The following ANKFN1 variants were observed in gnomAD, a reference collection of about 807,000 sequenced individuals.
The protein encoded by ANKFN1 is ankyrin repeat and fibronectin type III domain containing 1.
In ANKFN1, 74 loss-of-function variants were observed where a neutral mutation model predicts 108.7. The ratio of observed to expected loss-of-function variants is 0.68; its 90% CI spans 0.56 to 0.83. The LOEUF is 0.83. Among genes scored for constraint, ANKFN1 ranks in the 40% least tolerant of loss-of-function variants. The pLI, the probability that ANKFN1 is intolerant of heterozygous loss-of-function variation, is 0.00. For synonymous variants in ANKFN1, 547 were observed against 516.2 expected, an observed-to-expected ratio of 1.06 and a Z score of -0.81; for missense variants, 1,505 against 1,382.3, an observed-to-expected ratio of 1.09 and a Z score of -1.41.
intron 15 of ANKFN1, among the ~76,000 whole-genome samples, chr17:56,476,320 C>T (rs188135698): frequency 4.0e-4 from 61 of 152,198 alleles, no homozygotes; most frequent in Admixed American, 1.4e-3. Flanking sequence ...TGTAATTATT[C>T]GTTATCTGAG....
intron 4 of ANKFN1, among the ~76,000 whole-genome samples, chr17:56,063,100 T>G (rs1399331601): frequency 6.6e-6 from 1 of 152,220 alleles, no homozygotes; most frequent in Non-Finnish European, 1.5e-5. Context: ...GGTCCACTGT[T>G]AGTCTGATGG....
intron 20 of ANKFN1, among the ~76,000 whole-genome samples, chr17:56,500,736 G>C (rs1415631972): frequency 6.6e-6 from 1 of 152,148 alleles, no homozygotes; most frequent in Non-Finnish European, 1.5e-5. Flanking sequence ...TGAAACTCAG[G>C]ATCTAAGAAC....
At chr17:56,504,117 T>C (rs1466407125) in intron 20 of ANKFN1, among the ~76,000 whole-genome samples, 1 of 152,236 alleles carries the variant, frequency 6.6e-6, no homozygotes, top group East Asian at 1.9e-4. Context: ...TATCCCACTC[T>C]AAGCAATAGG....
At chr17:56,054,717 G>A (rs1156764277) in intron 4 of ANKFN1, among the ~76,000 whole-genome samples, 1 of 151,966 alleles carries the variant, frequency 6.6e-6, no homozygotes, top group Non-Finnish European at 1.5e-5. Context: ...TTCAAGACCA[G>A]CCTGGGCAAC....
intron 4 of ANKFN1, among the ~76,000 whole-genome samples, chr17:56,134,650 T>C (rs1286992039): frequency 6.6e-6 from 1 of 152,140 alleles, no homozygotes; most frequent in Non-Finnish European, 1.5e-5. Flanking sequence ...TGCCAGAAAC[T>C]GGGGGCAATA....
intron 3 of ANKFN1, among the ~76,000 whole-genome samples, chr17:56,302,299 AG>A (rs1478603004): frequency 2.0e-5 from 3 of 152,164 alleles, no homozygotes; most frequent in African/African-American, 7.2e-5. Flanking sequence ...CTGAGGCAGG[AG>A]GATCACTTGA....
intron 4 of ANKFN1, among the ~76,000 whole-genome samples, chr17:56,136,813 A>T (rs899991843): frequency 6.6e-6 from 1 of 152,240 alleles, no homozygotes; most frequent in Non-Finnish European, 1.5e-5. Context: ...ATGAACCATT[A>T]TAAAAAAGCC....
At chr17:56,428,091 A>C (rs1473748274) in intron 8 of ANKFN1, among the ~76,000 whole-genome samples, 1 of 151,982 alleles carries the variant, frequency 6.6e-6, no homozygotes, top group Non-Finnish European at 1.5e-5. Flanking sequence ...AAAATTAGCC[A>C]GGCATGGTGG....
chr17:56,316,820 T>C (rs752409683), intron 3 of ANKFN1, among the ~76,000 whole-genome samples: 3 of 152,168 alleles, frequency 2.0e-5, no homozygotes, highest in African/African-American at 4.8e-5. Flanking sequence ...GATCAAATGC[T>C]CCTGTGCTAT....
intron 20 of ANKFN1, 46 bp from the exon 21 acceptor site, chr17:56,510,427 C>T (rs2051708384): frequency 6.7e-7 from 1 of 1,483,854 alleles, no homozygotes; most frequent in Middle Eastern, 1.7e-4. Flanking sequence ...GAAGCAGGCT[C>T]TAGCTAAGAC....
chr17:56,458,799 T>C (rs530239603), intron 14 of ANKFN1, among the ~76,000 whole-genome samples: 4 of 152,144 alleles, frequency 2.6e-5, no homozygotes, highest in African/African-American at 9.7e-5. Context: ...CCCAGAAATA[T>C]GCATAACAGG....
chr17:56,470,956 G>A (rs895185581), intron 15 of ANKFN1, among the ~76,000 whole-genome samples: 3 of 152,020 alleles, frequency 2.0e-5, no homozygotes, highest in Admixed American at 6.6e-5. Flanking sequence ...TTCTCTTCAG[G>A]GATCACTTCA....
chr17:56,232,268 A>G (rs1179033342), intron 3 of ANKFN1, among the ~76,000 whole-genome samples: 1 of 152,162 alleles, frequency 6.6e-6, no homozygotes, highest in Admixed American at 6.6e-5. Flanking sequence ...TACAGCCTGA[A>G]CTGAAAAGAA....
At position 56,175,804 on chromosome 17, in the gene ANKFN1, A is replaced by G. The variant is rs185123295; in HGVS notation, c.-71+22274A>G. On this transcript the variant is annotated intron_variant, in intron 1 of 20. Coordinates refer to ENST00000682825, the MANE Select transcript of ANKFN1 (RefSeq NM_001370326.1). ...GAGCAGGACAAACCAGCCTTTCTTT[A>G]TGCCAACAGGGAATGCTTGAAATAA... Among the ~76,000 whole-genome samples, 1,179 of 152,216 alleles carry G rather than the reference A, an allele frequency of 7.7e-3. 8 individuals carry two copies. Among genetic ancestry groups the G allele is most frequent in the Non-Finnish European group, 0.011 (768 of 68,014 alleles).
chr17:56,146,453 C>T (rs1274339284), intron 4 of ANKFN1, among the ~76,000 whole-genome samples: 1 of 152,190 alleles, frequency 6.6e-6, no homozygotes, highest in Non-Finnish European at 1.5e-5. Context: ...GAAGGCTCTG[C>T]CCCTGCAGCA....
intron 3 of ANKFN1, among the ~76,000 whole-genome samples, chr17:56,310,419 C>G (rs139643782): frequency 0.014 from 2,177 of 152,164 alleles, 59 homozygotes; most frequent in African/African-American, 0.05. Flanking sequence ...AGATCGAGAC[C>G]ATCCTGGCTA....
intron 5 of ANKFN1, among the ~76,000 whole-genome samples, chr17:56,353,467 C>A (rs931305805): frequency 6.6e-6 from 1 of 152,100 alleles, no homozygotes; most frequent in Non-Finnish European, 1.5e-5. Context: ...AAACTCCTCG[C>A]CTCAAGTGAT....
chr17:56,232,694 T>C (rs1916831177), intron 3 of ANKFN1, among the ~76,000 whole-genome samples: 1 of 152,158 alleles, frequency 6.6e-6, no homozygotes, highest in African/African-American at 2.4e-5. Context: ...TATTCATCTT[T>C]GTCTCTCCTG....
At chr17:56,355,207 G>T (rs550425072) in intron 6 of ANKFN1, among the ~76,000 whole-genome samples, 2 of 152,222 alleles carry the variant, frequency 1.3e-5, no homozygotes, top group East Asian at 1.9e-4. Context: ...ACATCCAGTT[G>T]TACCCCATAA....
Sources: allele counts gnomAD v4.1 joint callset (sites outside exome capture counted in the v4.1 genomes callset), GRCh38; gene constraint gnomAD v4.1.1; transcripts MANE v1.5; gene names NCBI Gene and HGNC (gene_info 2026-07-23, HGNC 2026-07-21).